STARD9: variants seen among roughly 807,000 people sequenced by gnomAD.
The protein encoded by STARD9 is StAR related lipid transfer domain containing 9.
STARD9 carries 346 observed loss-of-function variants against 399.8 expected under a neutral mutation model. The observed-to-expected ratio is 0.87, with a 90% CI of 0.79 to 0.95. The LOEUF (loss-of-function observed/expected upper bound fraction) is 0.95. STARD9 is among the 40% of genes least tolerant of loss of function. STARD9 has a pLI of 0.00. For missense variants in STARD9, 5,832 were observed against 5,667.5 expected (o/e 1.03, Z -0.93); for synonymous variants, 2,203 against 2,143.5 (o/e 1.03, Z -0.77).
At chr15:42,644,966 C>T (rs1385226536) in intron 7 of STARD9, among the ~76,000 whole-genome samples, 1 of 152,174 alleles carries the variant, frequency 6.6e-6, no homozygotes, top group African/African-American at 2.4e-5. Flanking sequence ...AAATTTGATC[C>T]TGAGATTGTG....
intron 4 of STARD9, among the ~76,000 whole-genome samples, chr15:42,635,811 G>C (rs2059408140): frequency 6.6e-6 from 1 of 152,188 alleles, no homozygotes; most frequent in South Asian, 2.1e-4. Flanking sequence ...GCTGTGCAGA[G>C]ATTTGATTAT....
rs1271667366 is a variant in STARD9, at chr15:42,693,797, G to A, written c.12219G>A (p.Leu4073=). The A allele has an allele frequency of 6.5e-7, 1 of 1,536,376 alleles. No individual in the cohort carries two copies. The highest frequency in any genetic ancestry group is 1.2e-5 in the South Asian group (1 of 83,976). Residue 4073 remains leucine, a synonymous_variant, in exon 23 of 33, where the codon CTG becomes CTA. Coordinates refer to ENST00000290607, the MANE Select transcript of STARD9 (RefSeq NM_020759.3). ...SASPGEPQRT[L]DRPSSWGGLQ... is the part of the protein sequence containing the mutation. Reference sequence around the variant, plus strand: ...CTCCAGGGGAACCACAACGCACTCTGGACCGACCTTCTTCATGGGGAGGCC... The same window carrying A: ...CTCCAGGGGAACCACAACGCACTCTAGACCGACCTTCTTCATGGGGAGGCC...
chr15:42,685,510 A>C lies in STARD9; in HGVS notation c.3932A>C (p.Glu1311Ala). The C allele has an allele frequency of 6.5e-7, 1 of 1,537,188 alleles. No homozygotes were observed. The highest frequency in any genetic ancestry group is 1.2e-5 in the South Asian group (1 of 84,056). The change falls in exon 23 of 33, where the codon GAG (glutamate) becomes GCG (alanine). Residue 1311 changes from glutamate (E) to alanine (A), a missense_variant. Around this residue, in one of 2 missense-constraint regions of STARD9, gnomAD observed 5,828 missense variants for 5,651.1 expected, o/e 1.03. Coordinates refer to ENST00000290607, the MANE Select transcript of STARD9 (RefSeq NM_020759.3). ...TGTGAGCAGGCTGAATCACAGGTAG[A>C]GCCAAGCTACTCTGAACAAGCCGAC... ...PHCEQAESQV[E>A]PSYSEQADSL... is the part of the protein sequence containing the mutation.
chr15:42,671,526 C>T (rs915640135), intron 16 of STARD9: 1 of 151,936 alleles, frequency 6.6e-6, no homozygotes, highest in Non-Finnish European at 1.5e-5. Context: ...GGCTAAACAT[C>T]TGAACCTTTT....
chr15:42,681,996 C>G (rs868775328), intron 21 of STARD9, 108 bp from the exon 22 acceptor site: 3 of 749,804 alleles, frequency 4.0e-6, no homozygotes, highest in East Asian at 5.4e-5. Context: ...CCTTGGCCAG[C>G]TCTTTCACTC....
rs918712361 is a variant in STARD9 at position 42,686,151 on chromosome 15, A to G, written c.4573A>G (p.Ser1525Gly). 4.6e-6 allele frequency: 7 copies of G among 1,537,264 alleles called. No individual in the cohort carries two copies. The African/African-American group carries it at 6.8e-5, about 15-fold the overall frequency. ...EDSGSLAQASSKGGDTLLPVG... is the reference protein window; with the variant it reads ...EDSGSLAQASGKGGDTLLPVG... ...CTCTGGTTCCCTGGCCCAAGCTTCT[A>G]GCAAAGGAGGAGATACTCTATTGCC... Residue 1525 changes from serine to glycine, a missense_variant, in exon 23 of 33, where the codon AGC becomes GGC. Physicochemically the swap from Ser to Gly is moderately conservative, Grantham distance 56 (BLOSUM62 0). Around this residue, in one of 2 missense-constraint regions of STARD9, gnomAD observed 5,828 missense variants for 5,651.1 expected, o/e 1.03. Transcript: ENST00000290607.
intron 7 of STARD9, among the ~76,000 whole-genome samples, chr15:42,645,525 G>A (rs1412156575): frequency 6.6e-6 from 1 of 152,020 alleles, no homozygotes; most frequent in African/African-American, 2.4e-5. Context: ...ATAGGGCACA[G>A]GCAGAGTAGA....
At chr15:42,620,084 C>A (rs551929583) in intron 3 of STARD9, among the ~76,000 whole-genome samples, 3 of 152,152 alleles carry the variant, frequency 2.0e-5, no homozygotes, top group Admixed American at 6.6e-5. Context: ...TTGGGCCCAG[C>A]AGTGGTGAAT....
chr15:42,599,859 T>C (rs2058587569), intron 3 of STARD9, among the ~76,000 whole-genome samples: 1 of 152,242 alleles, frequency 6.6e-6, no homozygotes, highest in Admixed American at 6.5e-5. Flanking sequence ...TACCAGGCTT[T>C]AGGTATGTAA....
intron 22 of STARD9, among the ~76,000 whole-genome samples, chr15:42,683,017 G>A (rs925985461): frequency 5.3e-5 from 8 of 152,088 alleles, no homozygotes; most frequent in African/African-American, 1.2e-4. Context: ...CTCCCACCTG[G>A]TGACTGAGCT....
Position 42,712,083 on chromosome 15 carries a change from A to T in STARD9, c.13285-4594A>T, listed in dbSNP as rs369495367. Among the ~76,000 whole-genome samples the T allele has an allele frequency of 4.7e-4, 20 of 42,838 alleles. 2 individuals are homozygous for T. The highest frequency in any genetic ancestry group is 4.3e-3 in the Admixed American group (12 of 2,798). The allele number at this position is 42,838 out of a possible 152,430, so 28.1% of individuals were successfully genotyped here. A position where few individuals can be genotyped will look rare whatever the true frequency, so the allele number is the denominator to read the frequency against. The stretch of plus-strand genomic sequence containing the variant: ...ATCTTTTTATATATATATATATATT[A>T]TATATATATATATAATATATAATAT... On this transcript the variant is annotated intron_variant, in intron 26 of 32. Transcript: ENST00000290607.
At position 42,692,915 on chromosome 15, in the gene STARD9, A is replaced by G; in HGVS notation, c.11337A>G (p.Pro3779=). The change falls in exon 23 of 33, where the codon CCA becomes CCG. Residue 3779 remains proline (P), a synonymous_variant. Coordinates refer to ENST00000290607, the MANE Select transcript of STARD9 (RefSeq NM_020759.3). ...STVSQEEGDV[P]GVPQKREAEE... ...TGTCTCAAGAAGAGGGAGATGTGCC[A>G]GGGGTACCTCAGAAGAGAGAGGCAG... 5.9e-6 allele frequency: 9 copies of G among 1,537,294 alleles called. No individual in the cohort carries two copies. The highest frequency in any genetic ancestry group is 7.8e-6 in the Non-Finnish European group (9 of 1,146,922).
Position 42,689,439 on chromosome 15 carries a change from C to CT in STARD9, c.7862dup (p.Ser2622IlefsTer3). ...AGCACCGGGATTTCATGTGGCATCT[C>CT]TATCTGCTGAAGCAGGGCAGATAGA... is the stretch of plus-strand genomic sequence containing the variant. On this transcript the variant is annotated frameshift_variant, in exon 23 of 33. Coordinates refer to ENST00000290607, the MANE Select transcript of STARD9 (RefSeq NM_020759.3). LOFTEE classifies it high-confidence loss of function. The CT allele has an allele frequency of 1.3e-6, 2 of 1,537,410 alleles. No homozygotes were observed. The highest frequency in any genetic ancestry group is 1.7e-6 in the Non-Finnish European group (2 of 1,146,944).
In STARD9 at chr15:42,684,314, G is replaced by C. The variant is rs1302119789; in HGVS notation, c.2736G>C (p.Arg912Ser). 7.2e-6 allele frequency: 11 copies of C among 1,536,830 alleles called. No homozygotes were observed. Among genetic ancestry groups the C allele is most frequent in the Non-Finnish European group, 8.7e-6 (10 of 1,146,652 alleles). The change falls in exon 23 of 33, where the codon AGG (arginine) becomes AGC (serine). Residue 912 changes from arginine to serine, a missense_variant. Coordinates refer to ENST00000290607, the MANE Select transcript of STARD9 (RefSeq NM_020759.3). ...QPCTARAALA[R>S]KGASAPDACL... ...GCACAGCCAGAGCAGCCTTGGCCAG[G>C]AAGGGAGCCTCAGCTCCAGACGCTT...
chr15:42,623,126 C>T (rs1173494539), intron 3 of STARD9, among the ~76,000 whole-genome samples: 2 of 152,266 alleles, frequency 1.3e-5, no homozygotes, highest in South Asian at 4.1e-4. Flanking sequence ...GTGGTGCATG[C>T]CTGTAATCCC....
chr15:42,617,920 C>G (rs2059004568), intron 3 of STARD9, among the ~76,000 whole-genome samples: 1 of 151,862 alleles, frequency 6.6e-6, no homozygotes, highest in South Asian at 2.1e-4. Context: ...CTATGACACT[C>G]TGCTAATTTT....
In STARD9 at chr15:42,583,362, G is replaced by A. The variant is rs1239857125; in HGVS notation, c.64G>A (p.Gly22Arg). The A allele has an allele frequency of 3.9e-6, 6 of 1,536,952 alleles. No individual in the cohort carries two copies. Among genetic ancestry groups the A allele is most frequent in the Non-Finnish European group, 5.2e-6 (6 of 1,146,610 alleles). ...TGTTTCTAGGGAGACCAAAGAAGGGGGAAGAATTATTGTGGAAGTTGATGG... is the reference window on the plus strand; with the variant it reads ...TGTTTCTAGGGAGACCAAAGAAGGGAGAAGAATTATTGTGGAAGTTGATGG... Reference protein sequence around the residue: ...PLSKRETKEGGRIIVEVDGKV... With the variant: ...PLSKRETKEGRRIIVEVDGKV... Residue 22 changes from glycine (G) to arginine (R), a missense_variant, in exon 2 of 33, where the codon GGA becomes AGA. By Grantham distance (125) the Gly-to-Arg change is moderately radical. This residue lies in a region of STARD9 where 5,828 missense variants were observed against 5,651.1 expected (regional missense o/e 1.03). Transcript: ENST00000290607.
At chr15:42,583,020 T>C (rs1174114668) in intron 1 of STARD9, among the ~76,000 whole-genome samples, 1 of 152,158 alleles carries the variant, frequency 6.6e-6, no homozygotes, top group Non-Finnish European at 1.5e-5. Flanking sequence ...CCTGTAAAAA[T>C]GATATGTTAG....
chr15:42,634,356 G>C (rs759135514), intron 3 of STARD9, among the ~76,000 whole-genome samples: 4 of 152,150 alleles, frequency 2.6e-5, no homozygotes, highest in African/African-American at 4.8e-5. Context: ...CCAGCTCTTA[G>C]GGTCAATCTG....
Sources: allele counts gnomAD v4.1 joint callset (sites outside exome capture counted in the v4.1 genomes callset), GRCh38; gene constraint gnomAD v4.1.1; regional missense constraint gnomAD v4.1.1; transcripts MANE v1.5; gene names NCBI Gene and HGNC (gene_info 2026-07-23, HGNC 2026-07-21).